Variants in KIAA1328 observed in about 807,000 individuals in gnomAD.
The protein encoded by KIAA1328 is KIAA1328, also known as protein hinderin.
KIAA1328 carries 52 observed loss-of-function variants against 68.1 expected under a neutral mutation model. That is an observed-to-expected ratio of 0.76 (90% confidence interval 0.61 to 0.96). The LOEUF (loss-of-function observed/expected upper bound fraction) is 0.96. KIAA1328 is among the 40% of genes least tolerant of loss of function. The pLI is 0.00. For missense variants in KIAA1328, 641 were observed against 677.6 expected, an observed-to-expected ratio of 0.95 and a Z score of 0.60; for synonymous variants, 232 against 239.4, an observed-to-expected ratio of 0.97 and a Z score of 0.28.
chr18:37,027,738 C>A (rs1460640468), intron 6 of KIAA1328, among the ~76,000 whole-genome samples: 9 of 151,878 alleles, frequency 5.9e-5, no homozygotes, highest in Admixed American at 4.6e-4. Context: ...TAAAGACTTA[C>A]ATGTTAGACC....
In KIAA1328 at chr18:37,094,993, G is replaced by C. The variant is rs142084728; in HGVS notation, c.1232+27448G>C. Among the ~76,000 whole-genome samples, 716 of 151,534 alleles carry C rather than the reference G, an allele frequency of 4.7e-3. 7 individuals are homozygous for C. Among genetic ancestry groups the C allele is most frequent in the African/African-American group, 0.016 (679 of 41,406 alleles). On this transcript the variant is annotated intron_variant, in intron 7 of 9. Transcript: ENST00000280020. The stretch of plus-strand genomic sequence containing the variant: ...TCAAAAGAGAAAAACAAGGTCATTA[G>C]ATTAATATAATGGTGTAGGCATCCA...
At position 36,863,626 on chromosome 18, in the gene KIAA1328, G is replaced by A. The variant is rs56929667; in HGVS notation, c.332+19324G>A. On this transcript the variant is annotated intron_variant, in intron 4 of 9. Transcript: ENST00000280020. Reference sequence around the variant, plus strand: ...TTGGGAAGAATCGCTGCCTTTGCTGGGTTGGGTCTTCTCATCTATGAACAT... The same window carrying A: ...TTGGGAAGAATCGCTGCCTTTGCTGAGTTGGGTCTTCTCATCTATGAACAT... Among the ~76,000 whole-genome samples, 387 of 152,090 alleles carry A rather than the reference G, an allele frequency of 2.5e-3. 3 individuals are homozygous for A. The highest frequency in any genetic ancestry group is 8.9e-3 in the African/African-American group (371 of 41,490).
At chr18:36,883,269 C>A (rs2048379450) in intron 4 of KIAA1328, among the ~76,000 whole-genome samples, 1 of 152,180 alleles carries the variant, frequency 6.6e-6, no homozygotes, top group African/African-American at 2.4e-5. Flanking sequence ...GTTTTGAGCA[C>A]TGGCGTGATG....
At chr18:37,023,094 A>G (rs1381083646) in intron 6 of KIAA1328, among the ~76,000 whole-genome samples, 1 of 152,172 alleles carries the variant, frequency 6.6e-6, no homozygotes, top group Non-Finnish European at 1.5e-5. Flanking sequence ...GCAGTGGCAC[A>G]ATCATGGCTC....
At chr18:36,950,936 G>A (rs751714740) in intron 5 of KIAA1328, among the ~76,000 whole-genome samples, 1 of 152,198 alleles carries the variant, frequency 6.6e-6, no homozygotes, top group Admixed American at 6.5e-5. Flanking sequence ...GGGAGATGAT[G>A]GACAACCAAG....
At chr18:37,089,820 G>A (rs1329955361) in intron 7 of KIAA1328, among the ~76,000 whole-genome samples, 2 of 152,138 alleles carry the variant, frequency 1.3e-5, no homozygotes, top group Non-Finnish European at 2.9e-5. Context: ...TTACAAAACT[G>A]TTCATTTTTA....
chr18:36,963,793 A>G (rs1260389465), intron 6 of KIAA1328, among the ~76,000 whole-genome samples: 2 of 152,324 alleles, frequency 1.3e-5, no homozygotes, highest in East Asian at 1.9e-4. Context: ...TCGTTGTTAT[A>G]TCATTCATCT....
intron 6 of KIAA1328, among the ~76,000 whole-genome samples, chr18:37,055,643 G>A (rs2046471): frequency 0.19 from 29,133 of 152,140 alleles, 3,560 homozygotes; most frequent in Non-Finnish European, 0.28. Context: ...GTCATTCTGT[G>A]CCTTCTTTTA....
chr18:37,101,975 G>A (rs988751023), intron 7 of KIAA1328, among the ~76,000 whole-genome samples: 1 of 152,164 alleles, frequency 6.6e-6, no homozygotes, highest in Admixed American at 6.5e-5. Context: ...AAAACAAATT[G>A]GAGAGGGGGG....
intron 6 of KIAA1328, among the ~76,000 whole-genome samples, chr18:36,987,599 A>G (rs1034466643): frequency 4.6e-5 from 7 of 152,134 alleles, no homozygotes; most frequent in Non-Finnish European, 8.8e-5. Context: ...GTAATCTTCA[A>G]TGATAGAAAG....
chr18:36,955,227 G>A (rs1335427236), intron 5 of KIAA1328, among the ~76,000 whole-genome samples: 1 of 150,834 alleles, frequency 6.6e-6, no homozygotes, highest in African/African-American at 2.4e-5. Flanking sequence ...CGCTTCCCGG[G>A]TTCAAGTGAT....
chr18:37,023,882 T>C (rs1184864410), intron 6 of KIAA1328, among the ~76,000 whole-genome samples: 3 of 152,238 alleles, frequency 2.0e-5, no homozygotes, highest in African/African-American at 4.8e-5. Context: ...AATGGGGGTT[T>C]GGTGTACAGA....
intron 3 of KIAA1328, among the ~76,000 whole-genome samples, chr18:36,839,569 C>T (rs901038046): frequency 1.3e-5 from 2 of 152,142 alleles, no homozygotes; most frequent in African/African-American, 2.4e-5. Context: ...CAATTTTTCT[C>T]CTAATTATAG....
chr18:36,951,043 C>T (rs1191356310), intron 5 of KIAA1328, among the ~76,000 whole-genome samples: 3 of 152,192 alleles, frequency 2.0e-5, no homozygotes, highest in Non-Finnish European at 4.4e-5. Context: ...CAGTCGACTT[C>T]ATCTTTTTAT....
intron 6 of KIAA1328, among the ~76,000 whole-genome samples, chr18:37,060,383 A>G (rs925469450): frequency 3.9e-5 from 6 of 152,220 alleles, no homozygotes; most frequent in Admixed American, 6.5e-5. Flanking sequence ...ACCAAAAAGC[A>G]TAAGAAAAGT....
chr18:37,132,932 C>G (rs971514563), intron 7 of KIAA1328, among the ~76,000 whole-genome samples: 1 of 152,194 alleles, frequency 6.6e-6, no homozygotes, highest in Admixed American at 6.5e-5. Context: ...AATATTGATA[C>G]ATGCAACAAC....
At chr18:37,018,056 C>T (rs968917775) in intron 6 of KIAA1328, among the ~76,000 whole-genome samples, 1 of 151,958 alleles carries the variant, frequency 6.6e-6, no homozygotes, top group African/African-American at 2.4e-5. Flanking sequence ...TTTATAGTCT[C>T]GTGGGTTATG....
intron 7 of KIAA1328, among the ~76,000 whole-genome samples, chr18:37,131,919 G>T (rs954641020): frequency 6.6e-6 from 1 of 152,152 alleles, no homozygotes; most frequent in Admixed American, 6.5e-5. Flanking sequence ...CCATACAAAA[G>T]ACAAGAAATC....
chr18:37,018,234 G>T (rs2054221517), intron 6 of KIAA1328, among the ~76,000 whole-genome samples: 1 of 152,056 alleles, frequency 6.6e-6, no homozygotes, highest in African/African-American at 2.4e-5. Context: ...AGTTTGGTGG[G>T]ATGTCATATT....
Sources: allele counts gnomAD v4.1 joint callset (sites outside exome capture counted in the v4.1 genomes callset), GRCh38; gene constraint gnomAD v4.1.1; transcripts MANE v1.5; gene names NCBI Gene and HGNC (gene_info 2026-07-23, HGNC 2026-07-21).